SGCD: variants seen among roughly 807,000 people sequenced by gnomAD.
The protein encoded by SGCD is sarcoglycan delta, also known as delta-sarcoglycan.
Under a neutral mutation model 36.6 loss-of-function variants are expected in SGCD, and 18 were observed. The ratio of observed to expected loss-of-function variants is 0.49; its 90% CI spans 0.34 to 0.73. The LOEUF (loss-of-function observed/expected upper bound fraction) is 0.73, where lower values mean the gene tolerates loss of function less well. SGCD is among the 30% of genes least tolerant of loss of function. The pLI is 0.01. For synonymous variants in SGCD, 133 were observed against 130.6 expected, an observed-to-expected ratio of 1.02 and a Z score of -0.12; for missense variants, 387 against 346.7, an observed-to-expected ratio of 1.12 and a Z score of -0.92.
chr5:156,482,125 G>A (rs1031954588), intron 3 of SGCD, among the ~76,000 whole-genome samples: 2 of 152,150 alleles, frequency 1.3e-5, no homozygotes, highest in African/African-American at 2.4e-5. Flanking sequence ...TGAAATATCA[G>A]CATTTGAGCC....
intron 3 of SGCD, among the ~76,000 whole-genome samples, chr5:156,129,458 G>A (rs570840290): frequency 8.5e-5 from 13 of 152,266 alleles, no homozygotes; most frequent in African/African-American, 3.1e-4. Context: ...TACTCATTTG[G>A]CATAAGTGCC....
Position 156,424,241 on chromosome 5 carries a change from G to A in SGCD, c.192+79564G>A, listed in dbSNP as rs11135201. ...CTAATTTTCATAAATAAAATGGTGTGTATCTGATTTCTTCTTACTCTTTTT... is the reference window on the plus strand; with the variant it reads ...CTAATTTTCATAAATAAAATGGTGTATATCTGATTTCTTCTTACTCTTTTT... On this transcript the variant is annotated intron_variant, in intron 3 of 8. Transcript: ENST00000337851. Among the ~76,000 whole-genome samples the A allele has an allele frequency of 9.1e-3, 1,389 of 152,022 alleles. 26 individuals are homozygous for A. Among genetic ancestry groups the A allele is most frequent in the African/African-American group, 0.032 (1,314 of 41,478 alleles).
At chr5:156,497,170 AC>A (rs1756231702) in intron 3 of SGCD, among the ~76,000 whole-genome samples, 9 of 145,278 alleles carry the variant, frequency 6.2e-5, no homozygotes, top group Non-Finnish European at 1.5e-5. Flanking sequence ...ACTCTCCTGC[AC>A]TCTCTCTCTC....
chr5:155,888,274 A>G (rs1248859877), intron 1 of SGCD, among the ~76,000 whole-genome samples: 1 of 152,242 alleles, frequency 6.6e-6, no homozygotes, highest in Non-Finnish European at 1.5e-5. Flanking sequence ...TCAGTGGGTC[A>G]CAAACTTTCA....
intron 4 of SGCD, among the ~76,000 whole-genome samples, chr5:156,540,721 A>G (rs556387881): frequency 1.3e-5 from 2 of 152,288 alleles, no homozygotes; most frequent in South Asian, 2.1e-4. Context: ...CACGTTCCCC[A>G]TGATAGAAGC....
intron 3 of SGCD, among the ~76,000 whole-genome samples, chr5:156,283,678 C>T (rs1313006666): frequency 1.3e-5 from 2 of 152,132 alleles, no homozygotes; most frequent in Admixed American, 1.3e-4. Context: ...TGAGTATGTA[C>T]CAAAATCACC....
At chr5:156,383,912 T>A (rs1442872887) in intron 3 of SGCD, among the ~76,000 whole-genome samples, 1 of 152,198 alleles carries the variant, frequency 6.6e-6, no homozygotes, top group Non-Finnish European at 1.5e-5. Flanking sequence ...CAGAATCATT[T>A]GAATATGGCA....
intron 3 of SGCD, among the ~76,000 whole-genome samples, chr5:156,174,007 C>T (rs559634356): frequency 6.6e-6 from 1 of 152,148 alleles, no homozygotes. Context: ...ACATCAGTGG[C>T]TTCATAGATT....
intron 4 of SGCD, among the ~76,000 whole-genome samples, chr5:156,588,580 G>T (rs1760587992): frequency 6.6e-6 from 1 of 152,142 alleles, no homozygotes; most frequent in African/African-American, 2.4e-5. Context: ...GTGTGAAAAA[G>T]TTGGGGAGCC....
At chr5:156,191,730 C>A (rs988775916) in intron 3 of SGCD, among the ~76,000 whole-genome samples, 3 of 152,076 alleles carry the variant, frequency 2.0e-5, no homozygotes, top group African/African-American at 4.8e-5. Context: ...GAGAGACATT[C>A]AAGCTGTCAA....
chr5:156,687,580 G>T (rs777220009), intron 7 of SGCD, among the ~76,000 whole-genome samples: 2 of 152,116 alleles, frequency 1.3e-5, no homozygotes, highest in South Asian at 4.1e-4. Context: ...TATCAAAGCC[G>T]CACATTGAAG....
At chr5:156,620,412 T>C (rs1283614035) in intron 6 of SGCD, among the ~76,000 whole-genome samples, 2 of 152,230 alleles carry the variant, frequency 1.3e-5, no homozygotes, top group African/African-American at 4.8e-5. Context: ...TGTACGGGTA[T>C]CAAAGCACAT....
chr5:156,464,560 C>A (rs979082349), intron 3 of SGCD, among the ~76,000 whole-genome samples: 1 of 152,072 alleles, frequency 6.6e-6, no homozygotes, highest in Non-Finnish European at 1.5e-5. Flanking sequence ...ATGAGAACAT[C>A]TTCAGAACAG....
intron 1 of SGCD, among the ~76,000 whole-genome samples, chr5:155,932,436 T>C (rs1757116895): frequency 6.6e-6 from 1 of 152,170 alleles, no homozygotes; most frequent in Non-Finnish European, 1.5e-5. Context: ...TAGGCAAATT[T>C]CATATCAATA....
intron 1 of SGCD, among the ~76,000 whole-genome samples, chr5:155,901,153 A>G (rs527695165): frequency 5.1e-4 from 78 of 152,078 alleles, no homozygotes; most frequent in Non-Finnish European, 9.1e-4. Context: ...ACTACTAAAA[A>G]TACAAAAAAT....
intron 3 of SGCD, among the ~76,000 whole-genome samples, chr5:156,410,912 A>G (rs1019529296): frequency 1.3e-5 from 2 of 151,974 alleles, no homozygotes. Flanking sequence ...CTCTCACTTC[A>G]TGAAATGAAA....
intron 3 of SGCD, among the ~76,000 whole-genome samples, chr5:156,262,318 T>A (rs561068453): frequency 1.3e-5 from 2 of 152,280 alleles, no homozygotes; most frequent in East Asian, 3.9e-4. Context: ...CATAAATTCT[T>A]ATCATTGCAT....
At chr5:156,570,324 A>G (rs1759669671) in intron 4 of SGCD, among the ~76,000 whole-genome samples, 1 of 152,224 alleles carries the variant, frequency 6.6e-6, no homozygotes, top group African/African-American at 2.4e-5. Context: ...AGCTCTACAC[A>G]TCCATTAGTT....
intron 3 of SGCD, among the ~76,000 whole-genome samples, chr5:156,321,709 C>A (rs1158310649): frequency 6.6e-6 from 1 of 152,168 alleles, no homozygotes; most frequent in African/African-American, 2.4e-5. Context: ...TGGAAAATAT[C>A]TATTTTCCCA....
Sources: gnomAD v4.1 joint callset for allele counts (sites outside exome capture counted in the v4.1 genomes callset) on GRCh38, gnomAD v4.1.1 for gene constraint, MANE v1.5 for transcripts, NCBI Gene and HGNC (gene_info 2026-07-23, HGNC 2026-07-21) for gene names.